TXNRD1: variants seen among roughly 807,000 people sequenced by gnomAD.
The protein encoded by TXNRD1 is thioredoxin reductase 1.
A neutral mutation model predicts 80.3 loss-of-function variants in TXNRD1; 57 were observed. The ratio of observed to expected loss-of-function variants is 0.71; its 90% CI spans 0.57 to 0.89. The LOEUF (loss-of-function observed/expected upper bound fraction) is 0.89, where lower values mean the gene tolerates loss of function less well. Ranked by LOEUF, TXNRD1 falls within the 40% of genes least tolerant of loss-of-function variation. TXNRD1 has a pLI of 0.00. For synonymous variants in TXNRD1, 291 were observed against 285.2 expected, an observed-to-expected ratio of 1.02 and a Z score of -0.20; for missense variants, 730 against 803.0, an observed-to-expected ratio of 0.91 and a Z score of 1.10.
intron 3 of TXNRD1, among the ~76,000 whole-genome samples, chr12:104,275,278 C>CA (rs1360429622): frequency 6.6e-4 from 93 of 141,356 alleles, no homozygotes; most frequent in South Asian, 4.7e-3. Flanking sequence ...AACTCCATCT[C>CA]AAAAAAAAAA....
chr12:104,328,758 C>CA (rs33918583), intron 13 of TXNRD1, among the ~76,000 whole-genome samples: 1,226 of 92,704 alleles, frequency 0.013, 20 homozygotes, highest in Non-Finnish European at 0.018. Context: ...GACTCTGCCT[C>CA]AAAAAAAAAA....
At chr12:104,244,058 G>A (rs572155819) in intron 1 of TXNRD1, among the ~76,000 whole-genome samples, 6 of 152,312 alleles carry the variant, frequency 3.9e-5, no homozygotes, top group African/African-American at 1.4e-4. Context: ...GTACCGTGAT[G>A]TTCCTCTGTT....
At chr12:104,305,079 T>A (rs758656914) in intron 4 of TXNRD1, 147 of 853,844 alleles carry the variant, frequency 1.7e-4, no homozygotes, top group Non-Finnish European at 2.3e-4. Context: ...CTGTGCAGCA[T>A]ATTTTTCTTA....
chr12:104,320,812 G>C (rs1001744019), intron 9 of TXNRD1, among the ~76,000 whole-genome samples: 1 of 152,162 alleles, frequency 6.6e-6, no homozygotes, highest in South Asian at 2.1e-4. Context: ...AAATCATTTA[G>C]TGTGAAGATG....
At chr12:104,296,626 T>C (rs1565884316) in intron 4 of TXNRD1, among the ~76,000 whole-genome samples, 1 of 152,244 alleles carries the variant, frequency 6.6e-6, no homozygotes, top group East Asian at 1.9e-4. Flanking sequence ...TTTTGTTGGC[T>C]TAGGCTTATT....
intron 1 of TXNRD1, among the ~76,000 whole-genome samples, chr12:104,238,413 C>T (rs1345078736): frequency 6.6e-6 from 1 of 152,108 alleles, no homozygotes; most frequent in Non-Finnish European, 1.5e-5. Context: ...AAAGTTAAAG[C>T]ACCCTTTTTG....
chr12:104,306,224 C>T (rs766529856), intron 4 of TXNRD1, among the ~76,000 whole-genome samples: 3 of 152,164 alleles, frequency 2.0e-5, no homozygotes, highest in Non-Finnish European at 4.4e-5. Flanking sequence ...CTTTAAATGC[C>T]AGGAAACTGA....
intron 3 of TXNRD1, chr12:104,265,894 A>C: frequency 2.6e-5 from 1 of 38,008 alleles, no homozygotes; most frequent in South Asian, 4.2e-4. Flanking sequence ...GCCCCGGTGG[A>C]AAAAAAAAAA....
intron 1 of TXNRD1, among the ~76,000 whole-genome samples, chr12:104,233,258 T>C (rs1184014657): frequency 6.6e-6 from 1 of 152,220 alleles, no homozygotes; most frequent in Non-Finnish European, 1.5e-5. Context: ...GAAGTTAGTT[T>C]TTAAAAGAAA....
chr12:104,271,458 T>G (rs1018331944), intron 3 of TXNRD1, among the ~76,000 whole-genome samples: 2 of 152,174 alleles, frequency 1.3e-5, no homozygotes, highest in African/African-American at 4.8e-5. Flanking sequence ...ATTACAGGCA[T>G]GAGCCACCAC....
At chr12:104,265,524 C>A (rs189110820) in intron 3 of TXNRD1, 17 of 1,610,960 alleles carry the variant, frequency 1.1e-5, no homozygotes, top group Non-Finnish European at 1.4e-5. Flanking sequence ...AGAAGTCCCC[C>A]CTGCGGGTGA....
chr12:104,221,444 A>G (rs556518194), intron 1 of TXNRD1, among the ~76,000 whole-genome samples: 7 of 152,178 alleles, frequency 4.6e-5, no homozygotes, highest in Admixed American at 3.3e-4. Flanking sequence ...CAGCCTCCCA[A>G]GTAGCTGGGA....
intron 3 of TXNRD1, chr12:104,280,743 A>C (rs2033859680): frequency 6.6e-6 from 1 of 152,078 alleles, no homozygotes; most frequent in Non-Finnish European, 1.5e-5. Flanking sequence ...AAGAGGAAGC[A>C]ATTCTGCACC....
Position 104,303,936 on chromosome 12 carries a change from T to A in TXNRD1, c.415-7354T>A, listed in dbSNP as rs1245580396. ...TAGGCGGCGGCGGAGGGAGCGCTGA[T>A]GAAGATGGATGTGTCAGTGAGGGCC... On this transcript the variant is annotated intron_variant, in intron 4 of 16. Transcript: ENST00000525566. 2.5e-6 allele frequency: 4 copies of A among 1,588,762 alleles called. No homozygotes were observed. In the South Asian group the frequency reaches 4.5e-5, roughly 18 times the overall value.
At chr12:104,222,261 G>A (rs539647397) in intron 1 of TXNRD1, among the ~76,000 whole-genome samples, 89 of 152,268 alleles carry the variant, frequency 5.8e-4, no homozygotes, top group African/African-American at 2.1e-3. Context: ...AAGTGGCTGG[G>A]ACAGAAAACA....
chr12:104,229,101 A>G (rs1018052793), intron 1 of TXNRD1, among the ~76,000 whole-genome samples: 1 of 145,900 alleles, frequency 6.9e-6, no homozygotes, highest in Admixed American at 6.8e-5. Context: ...TTGCTAGCCT[A>G]CTTTCTGTCT....
At chr12:104,290,975 A>G in intron 4 of TXNRD1, 1 of 660,674 alleles carries the variant, frequency 1.5e-6, no homozygotes, top group Non-Finnish European at 2.7e-6. Flanking sequence ...TTTTAATTGA[A>G]AACTTTTTTT....
In TXNRD1 at chr12:104,290,899, C is replaced by T. The variant is rs561057446; in HGVS notation, c.414+1859C>T. On this transcript the variant is annotated intron_variant, in intron 4 of 16. Transcript: ENST00000525566. ...ATGGCAATGGGAGTAAAAAGAGTCA[C>T]TCTTTTTATAAGCTTTGGAACTCAC... The T allele has an allele frequency of 9.1e-6, 5 of 549,996 alleles. No individual in the cohort carries two copies. The East Asian group carries it at 1.6e-4, about 18-fold the overall frequency. The allele number at this position is 549,996 out of a possible 1,614,324, so 34.1% of individuals were successfully genotyped here. A position where few individuals can be genotyped will look rare whatever the true frequency, so the allele number is the denominator to read the frequency against.
intron 1 of TXNRD1, among the ~76,000 whole-genome samples, chr12:104,250,094 G>T (rs2033087106): frequency 6.6e-6 from 1 of 152,028 alleles, no homozygotes; most frequent in Non-Finnish European, 1.5e-5. Context: ...TAAAAGCATG[G>T]GCGCTACCTT....
Sources: gnomAD v4.1 joint callset for allele counts (sites outside exome capture counted in the v4.1 genomes callset) on GRCh38, gnomAD v4.1.1 for gene constraint, MANE v1.5 for transcripts, NCBI Gene and HGNC (gene_info 2026-07-23, HGNC 2026-07-21) for gene names.